TMEM268: variants seen among roughly 807,000 people sequenced by gnomAD.
TMEM268 encodes transmembrane protein C9orf91.
In TMEM268, 24 loss-of-function variants were observed where a neutral mutation model predicts 39.1. The ratio of observed to expected loss-of-function variants is 0.61; its 90% CI spans 0.44 to 0.86. The LOEUF is 0.86. Ranked by LOEUF, TMEM268 falls within the 40% of genes least tolerant of loss-of-function variation. The probability of loss-of-function intolerance (pLI) is 0.00; values close to 1 mark genes in which losing one functional copy is unlikely to be tolerated. For missense variants in TMEM268, 409 were observed against 428.6 expected, an observed-to-expected ratio of 0.95 and a Z score of 0.40; for synonymous variants, 176 against 173.5, an observed-to-expected ratio of 1.01 and a Z score of -0.12.
chr9:114,626,320 T>C (rs1237183909), intron 3 of TMEM268, among the ~76,000 whole-genome samples: 1 of 152,218 alleles, frequency 6.6e-6, no homozygotes, highest in Non-Finnish European at 1.5e-5. Flanking sequence ...ACGGGGCCTT[T>C]ATATTCTATA....
At chr9:114,635,754 G>GT (rs2133694882) in intron 6 of TMEM268, among the ~76,000 whole-genome samples, 2 of 152,312 alleles carry the variant, frequency 1.3e-5, no homozygotes, top group South Asian at 4.1e-4. Flanking sequence ...GGGATGAGGT[G>GT]ATACACTATC....
intron 5 of TMEM268, among the ~76,000 whole-genome samples, chr9:114,633,493 A>G (rs1846492982): frequency 6.6e-6 from 1 of 152,038 alleles, no homozygotes; most frequent in Non-Finnish European, 1.5e-5. Context: ...TTTTTTATAG[A>G]GACGGCATCT....
intron 2 of TMEM268, among the ~76,000 whole-genome samples, chr9:114,618,946 A>G (rs192865623): frequency 3.3e-5 from 5 of 152,328 alleles, no homozygotes; most frequent in Admixed American, 2.6e-4. Context: ...TAGATGCTCA[A>G]TCAATATTTT....
Position 114,624,396 on chromosome 9 carries a change from C to T in TMEM268, c.153C>T (p.Thr51=), listed in dbSNP as rs768015053. The T allele has an allele frequency of 3.1e-6, 5 of 1,604,120 alleles. No individual in the cohort carries two copies. The highest frequency in any genetic ancestry group is 2.2e-5 in the South Asian group (2 of 88,948). Residue 51 remains threonine (T), a synonymous_variant, in exon 3 of 9, where the codon ACC becomes ACT. Transcript: ENST00000288502. ...QVLTVLRIDN[T]CAPISFDLGA... is the part of the protein sequence containing the mutation. ...TCACTGTTCTCCGGATTGACAATAC[C>T]TGTGCACCCATCTCCTTCGACCTGG... is the stretch of plus-strand genomic sequence containing the variant.
At chr9:114,625,239 T>C (rs963140550) in intron 3 of TMEM268, among the ~76,000 whole-genome samples, 5 of 152,198 alleles carry the variant, frequency 3.3e-5, no homozygotes, top group African/African-American at 1.2e-4. Flanking sequence ...GCATTGTCTC[T>C]AGTATATAGT....
intron 8 of TMEM268, among the ~76,000 whole-genome samples, chr9:114,640,057 A>T (rs558076705): frequency 2.1e-5 from 3 of 141,504 alleles, no homozygotes; most frequent in East Asian, 4.5e-4. Context: ...CCAAAATATT[A>T]AAAAAAAAAA....
At chr9:114,608,210 G>A (rs1172261491), upstream of TMEM268, among the ~76,000 whole-genome samples, 3 of 152,204 alleles carry the variant, frequency 2.0e-5, no homozygotes, top group South Asian at 2.1e-4. Context: ...ATGATACCTC[G>A]TTGTCCAAGA....
chr9:114,627,249 G>C (rs1846202838), intron 4 of TMEM268, among the ~76,000 whole-genome samples: 1 of 152,198 alleles, frequency 6.6e-6, no homozygotes, highest in South Asian at 2.1e-4. Flanking sequence ...GCAGAGCTTG[G>C]GATTGGGAGT....
intron 8 of TMEM268, among the ~76,000 whole-genome samples, chr9:114,639,923 AT>A (rs1201215637): frequency 2.7e-5 from 4 of 150,680 alleles, no homozygotes; most frequent in Admixed American, 1.3e-4. Flanking sequence ...TAATTTTTAA[AT>A]TTTTATTTAG....
intron 6 of TMEM268, 67 bp downstream of exon 6, chr9:114,633,945 G>A: frequency 2.2e-6 from 2 of 891,608 alleles, no homozygotes; most frequent in Non-Finnish European, 3.5e-6. Flanking sequence ...GAGAGCAGTG[G>A]CCTCATGTTC....
chr9:114,625,164 A>G (rs1045358113), intron 3 of TMEM268, among the ~76,000 whole-genome samples: 1 of 152,196 alleles, frequency 6.6e-6, no homozygotes, highest in Non-Finnish European at 1.5e-5. Flanking sequence ...AAATGTGGAT[A>G]ATATTGATCC....
chr9:114,628,276 C>T (rs1279107385), intron 5 of TMEM268, 26 bp downstream of exon 5: 3 of 1,608,908 alleles, frequency 1.9e-6, no homozygotes, highest in South Asian at 2.2e-5. Flanking sequence ...ATCCCTGCCA[C>T]ACTCTCTCCA....
chr9:114,615,999 CTTTTTCT>C (rs1159954937), intron 1 of TMEM268, among the ~76,000 whole-genome samples: 1 of 147,122 alleles, frequency 6.8e-6, no homozygotes, highest in Non-Finnish European at 1.5e-5. Flanking sequence ...GCCTACTTTT[CTTTTTCT>C]TTTTTCTTTT....
upstream of TMEM268, among the ~76,000 whole-genome samples, chr9:114,609,225 C>T (rs888277471): frequency 3.9e-4 from 59 of 152,066 alleles, 1 homozygote; most frequent in African/African-American, 3.1e-4. Context: ...GTGGGAGAAT[C>T]GCTTGAACCC....
chr9:114,627,990 G>C, intron 4 of TMEM268, 111 bp from the exon 5 acceptor site: 1 of 1,168,434 alleles, frequency 8.6e-7, no homozygotes, highest in East Asian at 2.4e-5. Flanking sequence ...GCTGTGAGCT[G>C]TCTGAATCCA....
intron 1 of TMEM268, among the ~76,000 whole-genome samples, chr9:114,616,798 G>A (rs187425386): frequency 8.5e-4 from 130 of 152,226 alleles, no homozygotes; most frequent in African/African-American, 2.9e-3. Context: ...CTCTGTAAGG[G>A]AACAGAAATC....
chr9:114,609,734 G>GAAAAAGAAAAAGAAAAA (rs1564279418), upstream of TMEM268, among the ~76,000 whole-genome samples: 109 of 67,316 alleles, frequency 1.6e-3, no homozygotes, highest in African/African-American at 7.1e-3. Context: ...AGAAAAAGAA[G>GAAAAAGAAAAAGAAAAA]GAAGGAAGGA....
At chr9:114,626,803 C>A in intron 3 of TMEM268, 96 bp from the exon 4 acceptor site, 1 of 873,646 alleles carries the variant, frequency 1.1e-6, no homozygotes, top group South Asian at 1.5e-5. Context: ...TGGGACAGCC[C>A]AGAATGTGCC....
chr9:114,627,055 C>A, intron 4 of TMEM268, 49 bp downstream of exon 4: 1 of 1,351,762 alleles, frequency 7.4e-7, no homozygotes, highest in Non-Finnish European at 1.1e-6. Context: ...CAGCTTATGG[C>A]ACCACCAAAT....
Sources: gnomAD v4.1 joint callset for allele counts (sites outside exome capture counted in the v4.1 genomes callset) on GRCh38, gnomAD v4.1.1 for gene constraint, MANE v1.5 for transcripts, NCBI Gene and HGNC (gene_info 2026-07-23, HGNC 2026-07-21) for gene names.